Variants in ZNF624 observed in about 807,000 individuals in gnomAD.
ZNF624 encodes zinc finger protein 624.
Under a neutral mutation model 74.7 loss-of-function variants are expected in ZNF624, and 43 were observed. The observed-to-expected ratio is 0.58, with a 90% CI of 0.45 to 0.74. The LOEUF is 0.74. ZNF624 is among the 30% of genes least tolerant of loss of function. The pLI, the probability that ZNF624 is intolerant of heterozygous loss-of-function variation, is 0.00. For synonymous variants in ZNF624, 331 were observed against 341.3 expected (o/e 0.97, Z 0.33); for missense variants, 820 against 1,030.0 (o/e 0.80, Z 2.79).
chr17:16,617,685 A>ATCACGCGCTCGCC, downstream of ZNF624: 1 of 1,605,852 alleles, frequency 6.2e-7, no homozygotes, highest in Admixed American at 1.7e-5. Context: ...GTGCTCTACG[A>ATCACGCGCTCGCC]TCACGCGCTC....
At chr17:16,647,784 AATTGAAAAATCATTACAGT>A in intron 2 of ZNF624, among the ~76,000 whole-genome samples, 1 of 152,194 alleles carries the variant, frequency 6.6e-6, no homozygotes, top group African/African-American at 2.4e-5. Flanking sequence ...TGTTTTCTAC[AATTGAAAAATCATTACAGT>A]GTTTGGTGGG....
At chr17:16,639,953 A>G (rs1909427912) in intron 3 of ZNF624, among the ~76,000 whole-genome samples, 1 of 152,212 alleles carries the variant, frequency 6.6e-6, no homozygotes, top group African/African-American at 2.4e-5. Context: ...TAAAGCATCA[A>G]TGGAAATTAC....
chr17:16,646,780 C>A (rs1418330118), intron 3 of ZNF624, among the ~76,000 whole-genome samples: 1 of 152,058 alleles, frequency 6.6e-6, no homozygotes, highest in Non-Finnish European at 1.5e-5. Context: ...ACAACATAAC[C>A]CTCCCCTGCT....
Position 16,623,587 on chromosome 17 carries a change from T to C in ZNF624, c.1299A>G (p.Val433=). ...TCTCTTCAGTGTGGGTCTTCTGATG[T>C]ACACTAAGATATGACTTGTTCCTAA... ...KAFRNKSYLS[V]HQKTHTEEKP... is the part of the protein sequence containing the mutation. The change falls in exon 6 of 6, where the codon GTA becomes GTG. Residue 433 remains valine, a synonymous_variant. Transcript: ENST00000311331. This position sits in a 1 kb window ranked among gnomAD's most constrained non-coding sequence, Gnocchi z 5.3. 1.2e-6 allele frequency: 2 copies of C among 1,611,664 alleles called. No individual in the cohort carries two copies. The highest frequency in any genetic ancestry group is 1.7e-6 in the Non-Finnish European group (2 of 1,179,218).
chr17:16,632,611 A>G (rs1205446484), intron 5 of ZNF624, among the ~76,000 whole-genome samples: 1 of 152,218 alleles, frequency 6.6e-6, no homozygotes, highest in Non-Finnish European at 1.5e-5. Flanking sequence ...ATGGCATCAT[A>G]ATAAAATGAA....
rs554431418 is a variant in ZNF624, at chr17:16,625,234, T to G, written c.377-725A>C. On this transcript the variant is annotated intron_variant, in intron 5 of 5. Coordinates refer to ENST00000311331, the MANE Select transcript of ZNF624 (RefSeq NM_020787.4). Reference sequence around the variant, plus strand: ...ACTTGCTGTGCCACCCAGGCTAGAGTGCAGTGGCATGATCTCGGCTCACTG... The same window carrying G: ...ACTTGCTGTGCCACCCAGGCTAGAGGGCAGTGGCATGATCTCGGCTCACTG... Among the ~76,000 whole-genome samples, 9 of 151,970 alleles carry G rather than the reference T, an allele frequency of 5.9e-5. No homozygotes were observed. The East Asian group carries it at 1.4e-3, about 23-fold the overall frequency.
chr17:16,625,338 C>T (rs1186047177), intron 5 of ZNF624, among the ~76,000 whole-genome samples: 4 of 152,096 alleles, frequency 2.6e-5, no homozygotes, highest in Admixed American at 6.5e-5. Flanking sequence ...TGTGCCACCA[C>T]GCCCGGCTCA....
chr17:16,614,363 T>C, the ZNF624 span, among the ~76,000 whole-genome samples: 1 of 152,176 alleles, frequency 6.6e-6, no homozygotes, highest in African/African-American at 2.4e-5. Context: ...AACATCACTT[T>C]AGATCCTAAA....
the ZNF624 span, among the ~76,000 whole-genome samples, chr17:16,614,720 T>C: frequency 6.6e-6 from 1 of 152,182 alleles, no homozygotes; most frequent in African/African-American, 2.4e-5. Flanking sequence ...ATAATTCTGA[T>C]ACAAAGTCAA....
Position 16,620,904 on chromosome 17 carries a change from T to C in ZNF624, c.*1384A>G, listed in dbSNP as rs772594015. The C allele has an allele frequency of 2.9e-4, 44 of 152,208 alleles. No individual in the cohort carries two copies. Among genetic ancestry groups the C allele is most frequent in the Non-Finnish European group, 5.4e-4 (37 of 68,032 alleles). 9.4% of individuals were successfully genotyped at this position (152,208 alleles called of 1,614,324 possible). A position where few individuals can be genotyped will look rare whatever the true frequency, so the allele number is the denominator to read the frequency against. ...CTTTCATCTCTCTCAAAAGTTCACA[T>C]AATTACATAATATTACATTTACAGT... is the stretch of plus-strand genomic sequence containing the variant. On this transcript the variant is annotated 3_prime_UTR_variant, in exon 6 of 6. Coordinates refer to ENST00000311331, the MANE Select transcript of ZNF624 (RefSeq NM_020787.4).
In ZNF624 at chr17:16,622,280, ATTG is replaced by A; in HGVS notation, c.*5_*7del. On this transcript the variant is annotated 3_prime_UTR_variant, in exon 6 of 6. Transcript: ENST00000311331. ...GAGTTGACATCTAGGTGAATGACTT[ATTG>A]TTCTTTATATTAACTGAGTTTCTCT... is the stretch of plus-strand genomic sequence containing the variant. 1 of 1,531,874 alleles carries A rather than the reference ATTG, an allele frequency of 6.5e-7. No homozygotes were observed. The highest frequency in any genetic ancestry group is 2.3e-5 in the East Asian group (1 of 44,278). 94.9% of individuals were successfully genotyped at this position (1,531,874 alleles called of 1,614,324 possible).
intron 5 of ZNF624, chr17:16,624,824 C>T (rs1909026134): frequency 7.7e-6 from 1 of 130,372 alleles, no homozygotes; most frequent in African/African-American, 3.5e-5. Context: ...CGAGACCAGT[C>T]TGGGCAATAT....
chr17:16,621,152 ATT>A lies in ZNF624; in HGVS notation c.*1134_*1135del, dbSNP rs981950492. Reference sequence around the variant, plus strand: ...CAAAAATGATATATTGTATATATACATTTGTTATAAAGCAATTATTTATCAAT... The same window carrying A: ...CAAAAATGATATATTGTATATATACATGTTATAAAGCAATTATTTATCAAT... On this transcript the variant is annotated 3_prime_UTR_variant, in exon 6 of 6. Coordinates refer to ENST00000311331, the MANE Select transcript of ZNF624 (RefSeq NM_020787.4). The A allele has an allele frequency of 6.6e-6, 1 of 152,218 alleles. No homozygotes were observed. The highest frequency in any genetic ancestry group is 6.5e-5 in the Admixed American group (1 of 15,280). The allele number at this position is 152,218 out of a possible 1,614,324, so 9.4% of individuals were successfully genotyped here.
intron 3 of ZNF624, among the ~76,000 whole-genome samples, chr17:16,636,635 G>C (rs1909338409): frequency 6.6e-6 from 1 of 152,192 alleles, no homozygotes; most frequent in Non-Finnish European, 1.5e-5. Flanking sequence ...AGGAGATCGA[G>C]ACCATTCTGG....
downstream of ZNF624, among the ~76,000 whole-genome samples, chr17:16,619,614 C>T (rs550656251): frequency 6.6e-6 from 1 of 152,328 alleles, no homozygotes; most frequent in East Asian, 1.9e-4. Context: ...TGAGGAAGTG[C>T]AAATTAAACC....
At position 16,622,706 on chromosome 17, in the gene ZNF624, T is replaced by C. The variant is rs763061430; in HGVS notation, c.2180A>G (p.Asn727Ser). ...CTGGCTAAATGCTTTCCCACAGTCA[T>C]TACATTTAAATGGTTTCTCTCCAGT... ...THTGEKPFKC[N>S]DCGKAFSQMV... Residue 727 changes from asparagine to serine, a missense_variant, in exon 6 of 6, where the codon AAT (asparagine) becomes AGT (serine). By Grantham distance (46) the Asn-to-Ser change is conservative (BLOSUM62 1). Transcript: ENST00000311331. 9 of 1,613,824 alleles carry C rather than the reference T, an allele frequency of 5.6e-6. No individual in the cohort carries two copies. The highest frequency in any genetic ancestry group is 8.5e-7 in the Non-Finnish European group (1 of 1,179,982).
At chr17:16,629,988 T>C (rs1905330391) in intron 5 of ZNF624, among the ~76,000 whole-genome samples, 1 of 152,214 alleles carries the variant, frequency 6.6e-6, no homozygotes, top group South Asian at 2.1e-4. Context: ...ACTTGGTTAA[T>C]ATGTTGCCTA....
chr17:16,634,481 G>A, intron 4 of ZNF624, 149 bp downstream of exon 4: 1 of 760,154 alleles, frequency 1.3e-6, no homozygotes, highest in South Asian at 2.3e-5. Context: ...ACAATGGGCA[G>A]ATCATGTAGT....
intron 3 of ZNF624, among the ~76,000 whole-genome samples, chr17:16,642,459 A>G (rs62073667): frequency 0.058 from 8,773 of 152,274 alleles, 299 homozygotes; most frequent in Middle Eastern, 0.1. Flanking sequence ...ACAACTGAAT[A>G]TTCACATGCC....
Sources: gnomAD v4.1 joint callset for allele counts (sites outside exome capture counted in the v4.1 genomes callset) on GRCh38, gnomAD v4.1.1 for gene constraint, Gnocchi (gnomAD v3.1) non-coding constraint, MANE v1.5 for transcripts, NCBI Gene and HGNC (gene_info 2026-07-23, HGNC 2026-07-21) for gene names.